Variants in WDR27 observed in about 807,000 individuals in gnomAD.
The protein encoded by WDR27 is WD repeat domain 27, also known as WD repeat-containing protein 27.
In WDR27, 100 loss-of-function variants were observed where a neutral mutation model predicts 114.4. That is an observed-to-expected ratio of 0.87 (90% confidence interval 0.74 to 1.03). The LOEUF (loss-of-function observed/expected upper bound fraction) is 1.03, where lower values mean the gene tolerates loss of function less well. WDR27 is among the 50% of genes least tolerant of loss of function. The probability of loss-of-function intolerance (pLI) is 0.00; values close to 1 mark genes in which losing one functional copy is unlikely to be tolerated. For synonymous variants in WDR27, 449 were observed against 423.1 expected (o/e 1.06, Z -0.75); for missense variants, 1,129 against 1,092.9 (o/e 1.03, Z -0.47).
chr6:169,460,123 A>G (rs1410639353), intron 25 of WDR27, among the ~76,000 whole-genome samples: 1 of 152,200 alleles, frequency 6.6e-6, no homozygotes, highest in Admixed American at 6.5e-5. Context: ...GATTTAAGAG[A>G]CTAAAACATT....
downstream of WDR27, among the ~76,000 whole-genome samples, chr6:169,454,070 AT>A (rs1187838687): frequency 1.3e-5 from 2 of 152,246 alleles, no homozygotes; most frequent in Non-Finnish European, 2.9e-5. Flanking sequence ...AAAAAAAGAA[AT>A]TGATTACATT....
chr6:169,624,176 TGCA>T (rs1420991931), intron 21 of WDR27, among the ~76,000 whole-genome samples: 3 of 149,520 alleles, frequency 2.0e-5, no homozygotes, highest in African/African-American at 7.5e-5. Context: ...GCGTCAGGTG[TGCA>T]GCGTGTGGCA....
intron 24 of WDR27, among the ~76,000 whole-genome samples, chr6:169,580,180 C>T (rs948524791): frequency 6.6e-6 from 1 of 152,236 alleles, no homozygotes; most frequent in Non-Finnish European, 1.5e-5. Context: ...ACAAAATAAA[C>T]CATGCTTAGG....
chr6:169,654,689 G>A (rs1269477237), intron 13 of WDR27, among the ~76,000 whole-genome samples: 1 of 152,116 alleles, frequency 6.6e-6, no homozygotes, highest in African/African-American at 2.4e-5. Flanking sequence ...TGAGAAGCCA[G>A]GCGAGCTGAG....
intron 25 of WDR27, among the ~76,000 whole-genome samples, chr6:169,527,340 A>C (rs1175569205): frequency 6.6e-6 from 1 of 151,224 alleles, no homozygotes; most frequent in Non-Finnish European, 1.5e-5. Context: ...TATAACACAA[A>C]CCTTGAGAAC....
intron 6 of WDR27, chr6:169,666,389 C>A (rs922164088): frequency 1.0e-6 from 1 of 985,302 alleles, no homozygotes; most frequent in Non-Finnish European, 1.2e-6. Flanking sequence ...TCTGTATATG[C>A]TTTAAGTGGC....
At chr6:169,587,545 G>A (rs1804905248) in intron 23 of WDR27, among the ~76,000 whole-genome samples, 1 of 152,124 alleles carries the variant, frequency 6.6e-6, no homozygotes, top group Admixed American at 6.5e-5. Context: ...ATGATGTCTG[G>A]GAACTCAGCT....
At chr6:169,674,483 G>A (rs755250639) in intron 2 of WDR27, among the ~76,000 whole-genome samples, 1 of 152,030 alleles carries the variant, frequency 6.6e-6, no homozygotes, top group Non-Finnish European at 1.5e-5. Flanking sequence ...ATGTTGCTGA[G>A]GAAAAGATTG....
At chr6:169,526,564 G>C (rs1408137106) in intron 25 of WDR27, among the ~76,000 whole-genome samples, 1 of 152,110 alleles carries the variant, frequency 6.6e-6, no homozygotes, top group Non-Finnish European at 1.5e-5. Flanking sequence ...AGTGAGCAGA[G>C]ACTGCGCCAC....
chr6:169,667,313 T>G, intron 5 of WDR27, 126 bp from the exon 6 acceptor site: 3 of 1,246,058 alleles, frequency 2.4e-6, no homozygotes, highest in Non-Finnish European at 2.0e-6. Flanking sequence ...CAGAAAACAA[T>G]AAAATGAGCA....
chr6:169,579,734 A>T (rs1803057876), intron 24 of WDR27, among the ~76,000 whole-genome samples: 1 of 152,200 alleles, frequency 6.6e-6, no homozygotes, highest in Non-Finnish European at 1.5e-5. Flanking sequence ...GCATATAATT[A>T]AGAGTGGGTA....
chr6:169,687,268 T>A (rs1783240686), intron 2 of WDR27, among the ~76,000 whole-genome samples: 1 of 152,062 alleles, frequency 6.6e-6, no homozygotes, highest in Non-Finnish European at 1.5e-5. Flanking sequence ...TGTACAACTA[T>A]TACATGTCAA....
intron 25 of WDR27, among the ~76,000 whole-genome samples, chr6:169,528,463 T>C (rs1795201201): frequency 6.6e-6 from 1 of 152,210 alleles, no homozygotes; most frequent in Non-Finnish European, 1.5e-5. Flanking sequence ...ATAAGTCACT[T>C]TCCCTCCTAG....
intron 25 of WDR27, among the ~76,000 whole-genome samples, chr6:169,524,216 C>T (rs1423508955): frequency 1.3e-5 from 2 of 151,978 alleles, no homozygotes; most frequent in Non-Finnish European, 2.9e-5. Flanking sequence ...GCCTAGGAAT[C>T]AATTTATCCA....
At chr6:169,430,942 C>A in the WDR27 span, among the ~76,000 whole-genome samples, 10 of 152,226 alleles carry the variant, frequency 6.6e-5, no homozygotes, top group African/African-American at 2.4e-4. Flanking sequence ...TTGTCCTGCC[C>A]ATATAAACTA....
chr6:169,526,462 A>G (rs2128072573), intron 25 of WDR27, among the ~76,000 whole-genome samples: 1 of 152,068 alleles, frequency 6.6e-6, no homozygotes, highest in East Asian at 1.9e-4. Context: ...AAAATACAAA[A>G]ATCAGCCAGG....
chr6:169,560,326 G>A (rs527609378), intron 25 of WDR27, among the ~76,000 whole-genome samples: 1 of 152,308 alleles, frequency 6.6e-6, no homozygotes, highest in African/African-American at 2.4e-5. Context: ...CCAGCCATAT[G>A]GAACCGCAAG....
At chr6:169,435,149 G>T in the WDR27 span, among the ~76,000 whole-genome samples, 1 of 152,234 alleles carries the variant, frequency 6.6e-6, no homozygotes, top group Non-Finnish European at 1.5e-5. Flanking sequence ...TTGAACCTGA[G>T]GGTGCACAGA....
rs147470228 is a variant in WDR27, at chr6:169,647,946, G to A, written c.1560-76C>T. 467 of 1,039,238 alleles carry A rather than the reference G, an allele frequency of 4.5e-4. 2 individuals carry two copies. The African/African-American group carries it at 6.8e-3, about 15-fold the overall frequency. The allele number at this position is 1,039,238 out of a possible 1,614,324, so 64.4% of individuals were successfully genotyped here. ...TAGAAGTAAAACATAAGCAAGAAAC[G>A]AAGTGGGCTTCCCCCCATCTACATG... is the stretch of plus-strand genomic sequence containing the variant. On this transcript the variant is annotated intron_variant, in intron 15 of 25. Transcript: ENST00000448612.
Sources: allele counts gnomAD v4.1 joint callset (sites outside exome capture counted in the v4.1 genomes callset), GRCh38; gene constraint gnomAD v4.1.1; transcripts MANE v1.5; gene names NCBI Gene and HGNC (gene_info 2026-07-23, HGNC 2026-07-21).